Variants in GRM7 observed in about 807,000 individuals in gnomAD.
The protein encoded by GRM7 is glutamate metabotropic receptor 7, also known as metabotropic glutamate receptor 7.
Under a neutral mutation model 84.5 loss-of-function variants are expected in GRM7, and 35 were observed. The observed-to-expected ratio is 0.41, with a 90% confidence interval of 0.32 to 0.55. The LOEUF (loss-of-function observed/expected upper bound fraction) is 0.55, where lower values mean the gene tolerates loss of function less well. Ranked by LOEUF, GRM7 falls within the 20% of genes least tolerant of loss-of-function variation. GRM7 has a pLI of 0.19. For synonymous variants in GRM7, 487 were observed against 455.1 expected, an observed-to-expected ratio of 1.07 and a Z score of -0.89; for missense variants, 1,003 against 1,194.6, an observed-to-expected ratio of 0.84 and a Z score of 2.36.
intron 4 of GRM7, among the ~76,000 whole-genome samples, chr3:7,343,420 C>T (rs1342164999): frequency 1.3e-5 from 2 of 151,940 alleles, no homozygotes; most frequent in Non-Finnish European, 2.9e-5. Flanking sequence ...CACTATGTTG[C>T]CCAGGCTGGT....
At chr3:7,600,676 A>G (rs569421776) in intron 8 of GRM7, among the ~76,000 whole-genome samples, 2 of 152,126 alleles carry the variant, frequency 1.3e-5, no homozygotes, top group East Asian at 1.9e-4. Flanking sequence ...ATGCCTTTAA[A>G]TTACCTGTTA....
intron 1 of GRM7, among the ~76,000 whole-genome samples, chr3:6,904,760 G>T (rs1696509256): frequency 6.6e-6 from 1 of 150,710 alleles, no homozygotes; most frequent in Non-Finnish European, 1.5e-5. Flanking sequence ...TCAGTCTGTT[G>T]CCCAGGCTGT....
intron 4 of GRM7, among the ~76,000 whole-genome samples, chr3:7,321,811 C>A (rs1700793574): frequency 6.6e-6 from 1 of 152,058 alleles, no homozygotes; most frequent in Non-Finnish European, 1.5e-5. Flanking sequence ...AGCATATTGG[C>A]ACTTACTTTT....
At chr3:7,484,240 G>T (rs1387396256) in intron 7 of GRM7, among the ~76,000 whole-genome samples, 2 of 152,184 alleles carry the variant, frequency 1.3e-5, no homozygotes, top group African/African-American at 4.8e-5. Context: ...GGTAGACTTT[G>T]TCAGGTCTTG....
At chr3:7,250,044 C>G (rs1211545588) in intron 2 of GRM7, among the ~76,000 whole-genome samples, 5 of 152,188 alleles carry the variant, frequency 3.3e-5, no homozygotes. Context: ...ACGGTCCCCG[C>G]CCCTCATGTG....
chr3:7,625,919 G>T (rs1697585951), intron 8 of GRM7, among the ~76,000 whole-genome samples: 1 of 152,098 alleles, frequency 6.6e-6, no homozygotes, highest in African/African-American at 2.4e-5. Flanking sequence ...GGGTGAGAAA[G>T]GACTCAGAGT....
At chr3:7,110,477 C>T (rs557514597) in intron 1 of GRM7, among the ~76,000 whole-genome samples, 2 of 151,916 alleles carry the variant, frequency 1.3e-5, no homozygotes, top group African/African-American at 4.8e-5. Context: ...GGCTAGTAAT[C>T]CCAGCTACTC....
chr3:7,313,536 G>A (rs2125044439), intron 4 of GRM7, among the ~76,000 whole-genome samples: 1 of 152,144 alleles, frequency 6.6e-6, no homozygotes, highest in South Asian at 2.1e-4. Context: ...TGTATACCCA[G>A]CACTTGAATA....
At chr3:7,220,831 G>A (rs1696776876) in intron 2 of GRM7, among the ~76,000 whole-genome samples, 1 of 152,120 alleles carries the variant, frequency 6.6e-6, no homozygotes, top group Non-Finnish European at 1.5e-5. Flanking sequence ...TGGTACGGTG[G>A]CTCACACTTG....
intron 1 of GRM7, among the ~76,000 whole-genome samples, chr3:7,078,652 T>C (rs1698174136): frequency 2.0e-5 from 3 of 152,108 alleles, no homozygotes; most frequent in Admixed American, 1.3e-4. Context: ...CCAAACCATA[T>C]GGGATGATGA....
chr3:7,368,962 C>T (rs1296826709), intron 4 of GRM7, among the ~76,000 whole-genome samples: 1 of 146,876 alleles, frequency 6.8e-6, no homozygotes, highest in Non-Finnish European at 1.5e-5. Flanking sequence ...CATTACTTTT[C>T]AAAAATTTTA....
At chr3:7,578,318 A>G (rs1468492832) in intron 7 of GRM7, 104 bp from the exon 8 acceptor site, 2 of 713,546 alleles carry the variant, frequency 2.8e-6, no homozygotes, top group Non-Finnish European at 4.7e-6. Flanking sequence ...ATTCAACCTC[A>G]TGCCTCATAT....
intron 8 of GRM7, among the ~76,000 whole-genome samples, chr3:7,642,861 G>T (rs957208646): frequency 1.3e-5 from 2 of 152,046 alleles, no homozygotes; most frequent in Non-Finnish European, 2.9e-5. Flanking sequence ...TGAGCACATG[G>T]TATGCACTCA....
At chr3:7,207,145 C>A (rs570002248) in intron 2 of GRM7, among the ~76,000 whole-genome samples, 1 of 152,282 alleles carries the variant, frequency 6.6e-6, no homozygotes, top group East Asian at 1.9e-4. Flanking sequence ...TTCACTACTG[C>A]CCAAGTGAGC....
chr3:6,894,165 C>G (rs542097123), intron 1 of GRM7: 1 of 152,082 alleles, frequency 6.6e-6, no homozygotes, highest in African/African-American at 2.4e-5. Flanking sequence ...GATAGTGATC[C>G]TGAGTACACC....
chr3:7,388,417 T>A (rs935713207), intron 4 of GRM7, among the ~76,000 whole-genome samples: 2 of 152,154 alleles, frequency 1.3e-5, no homozygotes, highest in African/African-American at 4.8e-5. Flanking sequence ...TTTGTTGTTT[T>A]CTTGCCAAAT....
intron 7 of GRM7, among the ~76,000 whole-genome samples, chr3:7,574,161 CTT>C (rs3034008): frequency 0.51 from 68,189 of 133,260 alleles, 16,453 homozygotes; most frequent in Non-Finnish European, 0.55. Context: ...CTTAGGCTTG[CTT>C]TTTTTTTTTT....
Position 7,554,566 on chromosome 3 carries a change from C to T in GRM7, c.1516-23856C>T, listed in dbSNP as rs557487949. On this transcript the variant is annotated intron_variant, in intron 7 of 9. Transcript: ENST00000357716. ...AAATTAGCTAGGGTAAGTAATCCAC[C>T]GCTAAATATCAGCCGCTTAGCCTAA... 2.0e-4 allele frequency among the ~76,000 whole-genome samples: 30 copies of T among 152,278 alleles called. No homozygotes were observed. In the East Asian group the frequency reaches 2.5e-3, roughly 13 times the overall value.
intron 7 of GRM7, among the ~76,000 whole-genome samples, chr3:7,491,367 T>C (rs1699509859): frequency 6.6e-6 from 1 of 151,828 alleles, no homozygotes; most frequent in Non-Finnish European, 1.5e-5. Flanking sequence ...CTAGTTCTTA[T>C]AGTTCTATTT....
Sources: gnomAD v4.1 joint callset for allele counts (sites outside exome capture counted in the v4.1 genomes callset) on GRCh38, gnomAD v4.1.1 for gene constraint, MANE v1.5 for transcripts, NCBI Gene and HGNC (gene_info 2026-07-23, HGNC 2026-07-21) for gene names.